The following CASKIN2 variants were observed in gnomAD, a reference collection of about 807,000 sequenced individuals.
CASKIN2 encodes CASK interacting protein 2.
In CASKIN2, 41 loss-of-function variants were observed where a neutral mutation model predicts 107.1. The observed-to-expected ratio is 0.38, with a 90% CI of 0.30 to 0.50. The LOEUF (loss-of-function observed/expected upper bound fraction) is 0.50. Ranked by LOEUF, CASKIN2 falls within the 20% of genes least tolerant of loss-of-function variation. The pLI is 0.92. For synonymous variants in CASKIN2, 724 were observed against 705.6 expected (o/e 1.03, Z -0.41); for missense variants, 1,546 against 1,657.4 (o/e 0.93, Z 1.17).
At chr17:75,512,008 A>G (rs2146998466) in intron 2 of CASKIN2, among the ~76,000 whole-genome samples, 1 of 152,254 alleles carries the variant, frequency 6.6e-6, no homozygotes, top group East Asian at 1.9e-4. Flanking sequence ...GGACCTCCTT[A>G]GCACCTCCCC....
intron 2 of CASKIN2, among the ~76,000 whole-genome samples, chr17:75,508,634 C>A (rs747297932): frequency 1.3e-5 from 2 of 152,082 alleles, no homozygotes; most frequent in African/African-American, 4.8e-5. Flanking sequence ...GGCCAGGCAG[C>A]GAGTCATGTT....
At position 75,504,959 on chromosome 17, in the gene CASKIN2, C is replaced by T; in HGVS notation, c.1045G>A (p.Val349Met). Residue 349 changes from valine (V) to methionine (M), a missense_variant, in exon 11 of 20, where the codon GTG becomes ATG. Coordinates refer to ENST00000321617, the MANE Select transcript of CASKIN2 (RefSeq NM_020753.5). ...GGGAGGCGGGCTGCAGGGATGCCCA[C>T]CCGCTTGCTGACCACCTCGACAATG... ...PGIVEVVSKR[V>M]GIPAARLPSA... 1.2e-6 allele frequency: 2 copies of T among 1,611,952 alleles called. No homozygotes were observed. Among genetic ancestry groups the T allele is most frequent in the South Asian group, 1.1e-5 (1 of 91,036 alleles).
chr17:75,513,604 T>C, intron 2 of CASKIN2, 107 bp downstream of exon 2: 1 of 924,088 alleles, frequency 1.1e-6, no homozygotes, highest in Middle Eastern at 2.1e-4. Context: ...AACAAGACAG[T>C]CCACCCTCCT....
Position 75,501,476 on chromosome 17 carries a change from C to T in CASKIN2, c.3510G>A (p.Glu1170=). 12 of 1,608,330 alleles carry T rather than the reference C, an allele frequency of 7.5e-6. No homozygotes were observed. Among genetic ancestry groups the T allele is most frequent in the Non-Finnish European group, 9.4e-6 (11 of 1,176,256 alleles). ...RAAEKSIGTK[E]QEGTPSASTK... is the part of the protein sequence containing the mutation. Reference sequence around the variant, plus strand: ...CATCCGGCCCCCCTCACCCCTCTTGCTCCTTGGTGCCAATGCTCTTCTCTG... The same window carrying T: ...CATCCGGCCCCCCTCACCCCTCTTGTTCCTTGGTGCCAATGCTCTTCTCTG... Residue 1170 remains glutamate, a synonymous_variant, in exon 19 of 20, where the codon GAG becomes GAA. Transcript: ENST00000321617.
At position 75,502,065 on chromosome 17, in the gene CASKIN2, C is replaced by G. The variant is rs766771728; in HGVS notation, c.3009G>C (p.Gln1003His). 2 of 1,612,108 alleles carry G rather than the reference C, an allele frequency of 1.2e-6. No individual in the cohort carries two copies. Among genetic ancestry groups the G allele is most frequent in the East Asian group, 2.2e-5 (1 of 44,856 alleles). The stretch of plus-strand genomic sequence containing the variant: ...CCACTCCGAAGGCCAGCAGTGCGGT[C>G]TGCAGTGGCTCTCTCTCCCGGCACT... The part of the protein sequence containing the change: ...RPKCREREPL[Q>H]TALLAFGVAS... Residue 1003 changes from glutamine to histidine, a missense_variant, in exon 18 of 20, where the codon CAG becomes CAC. Gln to His is a conservative substitution (Grantham distance 24). This residue lies in a region of CASKIN2 where 1,311 missense variants were observed against 1,311.0 expected (regional missense o/e 1.00). Coordinates refer to ENST00000321617, the MANE Select transcript of CASKIN2 (RefSeq NM_020753.5). The surrounding 1 kb of genome is among the most constrained non-coding windows in gnomAD (Gnocchi z 4.3).
chr17:75,502,602 GCCTAGGGTGCTGCCCACTGGC>G lies in CASKIN2; in HGVS notation c.2451_2471del (p.Pro818_Gly824del). 1 of 1,602,214 alleles carries G rather than the reference GCCTAGGGTGCTGCCCACTGGC, an allele frequency of 6.2e-7. No individual in the cohort carries two copies. Among genetic ancestry groups the G allele is most frequent in the Non-Finnish European group, 8.5e-7 (1 of 1,174,096 alleles). ...GCCGCCGGGTAAGGGTAGCATAACT[GCCTAGGGTGCTGCCCACTGGC>G]CCTTCGGCCTCCCCCTCAGCATCCC... On this transcript the variant is annotated inframe_deletion, in exon 18 of 20. Transcript: ENST00000321617. This position sits in a 1 kb window ranked among gnomAD's most constrained non-coding sequence, Gnocchi z 4.3.
At chr17:75,509,789 G>A (rs2053301648) in intron 2 of CASKIN2, 6 of 985,582 alleles carry the variant, frequency 6.1e-6, no homozygotes, top group Non-Finnish European at 7.2e-6. Flanking sequence ...CCTTCAAGCT[G>A]CCCACTCTTC....
chr17:75,511,059 C>CTTTTT (rs149349828), intron 2 of CASKIN2, among the ~76,000 whole-genome samples: 1 of 115,080 alleles, frequency 8.7e-6, no homozygotes, highest in East Asian at 2.6e-4. Flanking sequence ...TTTCCCTGTC[C>CTTTTT]TTTTTTTTTT....
In CASKIN2 at chr17:75,502,542, A is replaced by G. The variant is rs7502835; in HGVS notation, c.2532T>C (p.Ser844=). 1,082,707 of 1,542,696 alleles carry G rather than the reference A, an allele frequency of 0.7. 395,798 individuals carry two copies. Among genetic ancestry groups the G allele is most frequent in the Non-Finnish European group, 0.76 (866,105 of 1,140,790 alleles). ...GRSALVRTSP[S]VTPTPARGTP... is the part of the protein sequence containing the mutation. ...TCCCCCGAGCTGGGGTTGGGGTCAC[A>G]CTAGGACTGGTCCGGACAAGGGCAC... The change falls in exon 18 of 20, where the codon AGT becomes AGC. Residue 844 remains serine, a synonymous_variant. Coordinates refer to ENST00000321617, the MANE Select transcript of CASKIN2 (RefSeq NM_020753.5). This position sits in a 1 kb window ranked among gnomAD's most constrained non-coding sequence, Gnocchi z 4.3.
Position 75,503,030 on chromosome 17 carries a change from C to T in CASKIN2, c.2044G>A (p.Gly682Arg), listed in dbSNP as rs775693609. ...AGGGGGAGTGGTTCAGGGCCACCCC[C>T]TGCCATGGCCGCCTGTAGCTCTGGG... ...LSPELQAAMA[G>R]GGPEPLPLPP... The change falls in exon 18 of 20, where the codon GGG becomes AGG. Residue 682 changes from glycine (G) to arginine (R), a missense_variant. This residue lies in a region of CASKIN2 where 1,311 missense variants were observed against 1,311.0 expected (regional missense o/e 1.00). Transcript: ENST00000321617. 1 of 1,606,114 alleles carries T rather than the reference C, an allele frequency of 6.2e-7. No individual in the cohort carries two copies. Among genetic ancestry groups the T allele is most frequent in the South Asian group, 1.1e-5 (1 of 90,578 alleles).
chr17:75,502,052 C>G lies in CASKIN2; in HGVS notation c.3022G>C (p.Ala1008Pro). ...GGCGTGGCACTGGCCACTCCGAAGG[C>G]CAGCAGTGCGGTCTGCAGTGGCTCT... The part of the protein sequence containing the change: ...EREPLQTALL[A>P]FGVASATPGP... The change falls in exon 18 of 20, where the codon GCC becomes CCC. Residue 1008 changes from alanine to proline, a missense_variant. Transcript: ENST00000321617. The surrounding 1 kb of genome is among the most constrained non-coding windows in gnomAD (Gnocchi z 4.3). 2 of 1,612,506 alleles carry G rather than the reference C, an allele frequency of 1.2e-6. No homozygotes were observed. The highest frequency in any genetic ancestry group is 1.7e-6 in the Non-Finnish European group (2 of 1,179,908).
rs531574849 is a variant in CASKIN2, at chr17:75,502,830, G to C, written c.2244C>G (p.Gly748=). 19 of 1,555,706 alleles carry C rather than the reference G, an allele frequency of 1.2e-5. No individual in the cohort carries two copies. The East Asian group carries it at 4.1e-4, about 33-fold the overall frequency. ...RPPKLCSSLP[G]QGPPPYVFMY... is the part of the protein sequence containing the mutation. ...TAAAAACATAGGGTGGGGGTCCTTG[G>C]CCAGGAAGTGAAGAACAAAGCTTAG... The change falls in exon 18 of 20, where the codon GGC becomes GGG. Residue 748 remains glycine (G), a synonymous_variant. Transcript: ENST00000321617. This position sits in a 1 kb window ranked among gnomAD's most constrained non-coding sequence, Gnocchi z 4.3.
Position 75,502,954 on chromosome 17 carries a change from C to G in CASKIN2, c.2120G>C (p.Gly707Ala). ...SQESIGARSR[G>A]SGHSQEQPAP... The stretch of plus-strand genomic sequence containing the variant: ...AGGCTGTTCCTGTGAGTGGCCAGAC[C>G]CCCGTGAGCGTGCCCCGATGCTCTC... The change falls in exon 18 of 20, where the codon GGG (glycine) becomes GCG (alanine). Residue 707 changes from glycine (G) to alanine (A), a missense_variant. Physicochemically the swap from Gly to Ala is moderately conservative, Grantham distance 60 (BLOSUM62 0). Around this residue, in one of 6 missense-constraint regions of CASKIN2, gnomAD observed 1,311 missense variants for 1,311.0 expected, o/e 1.00. Transcript: ENST00000321617. This position sits in a 1 kb window ranked among gnomAD's most constrained non-coding sequence, Gnocchi z 4.3. 1 of 1,584,356 alleles carries G rather than the reference C, an allele frequency of 6.3e-7. No individual in the cohort carries two copies. Among genetic ancestry groups the G allele is most frequent in the Non-Finnish European group, 8.6e-7 (1 of 1,164,374 alleles).
chr17:75,509,982 A>C, intron 2 of CASKIN2: 48 of 951,620 alleles, frequency 5.0e-5, no homozygotes, highest in South Asian at 9.7e-5. Flanking sequence ...GAAGAGGCTC[A>C]GAGTGACCGG....
chr17:75,512,894 C>T (rs1446307866), intron 2 of CASKIN2, among the ~76,000 whole-genome samples: 3 of 82,384 alleles, frequency 3.6e-5, no homozygotes, highest in African/African-American at 7.2e-5. Flanking sequence ...AGCAAGACTC[C>T]GTCTCAAAAA....
chr17:75,515,507 G>A lies in CASKIN2; in HGVS notation c.-511C>T, dbSNP rs972427795. ...CCCCTTTCTCCTTCTCCTTTTCCAA[G>A]GCCGGCTCGGCGCCTCCCGCAGGAA... is the stretch of plus-strand genomic sequence containing the variant. On this transcript the variant is annotated 5_prime_UTR_variant, in exon 1 of 20. Coordinates refer to ENST00000321617, the MANE Select transcript of CASKIN2 (RefSeq NM_020753.5). The A allele has an allele frequency of 2.6e-5, 4 of 152,372 alleles. No individual in the cohort carries two copies. In the East Asian group the frequency reaches 5.8e-4, roughly 22 times the overall value. The allele number at this position is 152,372 out of a possible 1,614,324, so 9.4% of individuals were successfully genotyped here.
rs747173090 is a variant in CASKIN2 at position 75,502,503 on chromosome 17, C to T, written c.2571G>A (p.Gln857=). 2.7e-6 allele frequency: 4 copies of T among 1,467,070 alleles called. No homozygotes were observed. The highest frequency in any genetic ancestry group is 2.8e-5 in the South Asian group (2 of 70,808). The allele number at this position is 1,467,070 out of a possible 1,614,324, so 90.9% of individuals were successfully genotyped here. A position where few individuals can be genotyped will look rare whatever the true frequency, so the allele number is the denominator to read the frequency against. Residue 857 remains glutamine, a synonymous_variant, in exon 18 of 20, where the codon CAG becomes CAA. Transcript: ENST00000321617. The surrounding 1 kb of genome is among the most constrained non-coding windows in gnomAD (Gnocchi z 4.3). ...PTPARGTPRS[Q]SFALRARRKG... is the part of the protein sequence containing the mutation. Reference sequence around the variant, plus strand: ...TGCGCCGGGCCCGCAGGGCAAAGGACTGGCTGCGAGGAGTCCCCCGAGCTG... The same window carrying T: ...TGCGCCGGGCCCGCAGGGCAAAGGATTGGCTGCGAGGAGTCCCCCGAGCTG...
Position 75,505,661 on chromosome 17 carries a change from C to T in CASKIN2, c.836-10G>A, listed in dbSNP as rs200859364. Reference sequence around the variant, plus strand: ...AGGATCCCTGAGGCCTCTAAGAAAACGGGGTGGGGGACAGGTGTCATCTAA... The same window carrying T: ...AGGATCCCTGAGGCCTCTAAGAAAATGGGGTGGGGGACAGGTGTCATCTAA... On this transcript the variant is annotated splice_polypyrimidine_tract_variant and intron_variant, in intron 9 of 19. Transcript: ENST00000321617. The surrounding 1 kb of genome is among the most constrained non-coding windows in gnomAD (Gnocchi z 5.1). The T allele has an allele frequency of 1.6e-5, 25 of 1,611,524 alleles. No homozygotes were observed. Among genetic ancestry groups the T allele is most frequent in the Middle Eastern group, 1.7e-4 (1 of 5,840 alleles).
At chr17:75,509,159 C>T (rs2146994174) in intron 2 of CASKIN2, among the ~76,000 whole-genome samples, 1 of 152,362 alleles carries the variant, frequency 6.6e-6, no homozygotes, top group South Asian at 2.1e-4. Context: ...GCCACCCCCT[C>T]TCGGGGCAGG....
Sources: allele counts gnomAD v4.1 joint callset (sites outside exome capture counted in the v4.1 genomes callset), GRCh38; gene constraint gnomAD v4.1.1; regional missense constraint gnomAD v4.1.1; non-coding constraint Gnocchi (gnomAD v3.1); transcripts MANE v1.5; gene names NCBI Gene and HGNC (gene_info 2026-07-23, HGNC 2026-07-21).